CCNI2: variants seen among roughly 807,000 people sequenced by gnomAD.
The protein encoded by CCNI2 is cyclin-I2.
CCNI2 carries 32 observed loss-of-function variants against 33.2 expected under a neutral mutation model. The ratio of observed to expected loss-of-function variants is 0.96; its 90% confidence interval spans 0.73 to 1.30. The LOEUF (loss-of-function observed/expected upper bound fraction) is 1.30, where lower values mean the gene tolerates loss of function less well. Among genes scored for constraint, CCNI2 ranks in the 50% most tolerant of loss-of-function variants. The pLI, the probability that CCNI2 is intolerant of heterozygous loss-of-function variation, is 0.00. For missense variants in CCNI2, 452 were observed against 486.2 expected, an observed-to-expected ratio of 0.93 and a Z score of 0.66; for synonymous variants, 231 against 219.9, an observed-to-expected ratio of 1.05 and a Z score of -0.45.
In CCNI2 at chr5:132,747,600, G is replaced by A. The variant is rs1754644964; in HGVS notation, c.105G>A (p.Leu35=). 6.7e-7 allele frequency: 1 copy of A among 1,501,398 alleles called. No individual in the cohort carries two copies. The highest frequency in any genetic ancestry group is 8.8e-7 in the Non-Finnish European group (1 of 1,131,588). 93.0% of individuals were successfully genotyped at this position (1,501,398 alleles called of 1,614,324 possible). ...GCGCCGGTCTGGAGGAAACAGCCCT[G>A]GGCGTTCCTCTCCCGCCGTCTCCGG... ...RPGAGLEETA[L]GVPLPPSPGE... is the part of the protein sequence containing the mutation. The change falls in exon 1 of 6, where the codon CTG becomes CTA. Residue 35 remains leucine, a synonymous_variant. Coordinates refer to ENST00000378731, the MANE Select transcript of CCNI2 (RefSeq NM_001039780.4). This position sits in a 1 kb window ranked among gnomAD's most constrained non-coding sequence, Gnocchi z 4.1.
downstream of CCNI2, chr5:132,754,657 T>C (rs548482874): frequency 3.3e-6 from 2 of 604,784 alleles, no homozygotes; most frequent in East Asian, 5.6e-5. Context: ...CACTCGTGGA[T>C]TTTTAAAAAT....
At chr5:132,751,527 T>C (rs1185496457) in intron 4 of CCNI2, 3 of 200,794 alleles carry the variant, frequency 1.5e-5, no homozygotes, top group Non-Finnish European at 3.0e-5. Context: ...TGTGGAAATC[T>C]CATGGGGTTT....
intron 3 of CCNI2, 94 bp from the exon 4 acceptor site, chr5:132,750,763 A>G: frequency 1.5e-6 from 2 of 1,319,532 alleles, no homozygotes; most frequent in African/African-American, 1.5e-5. Flanking sequence ...AGACAACTCC[A>G]CTAAGGTCAT....
rs890476605 is a variant in CCNI2 at position 132,747,849 on chromosome 5, C to G, written c.354C>G (p.Asp118Glu). The change falls in exon 1 of 6, where the codon GAC (aspartate) becomes GAG (glutamate). Residue 118 changes from aspartate (D) to glutamate (E), a missense_variant. Transcript: ENST00000378731. This position sits in a 1 kb window ranked among gnomAD's most constrained non-coding sequence, Gnocchi z 4.1. Reference protein sequence around the residue: ...RKPRNLEGDLDERRLLCHLQL... With the variant: ...RKPRNLEGDLEERRLLCHLQL... Reference sequence around the variant, plus strand: ...CGCGCAACCTGGAAGGCGACCTGGACGAGCGCCGGCTGCTCTGCCACTTGC... The same window carrying G: ...CGCGCAACCTGGAAGGCGACCTGGAGGAGCGCCGGCTGCTCTGCCACTTGC... The G allele has an allele frequency of 6.8e-7, 1 of 1,472,586 alleles. No homozygotes were observed. The highest frequency in any genetic ancestry group is 2.9e-5 in the East Asian group (1 of 34,514). The allele number at this position is 1,472,586 out of a possible 1,614,324, so 91.2% of individuals were successfully genotyped here. A position where few individuals can be genotyped will look rare whatever the true frequency, so the allele number is the denominator to read the frequency against.
chr5:132,751,961 T>C lies in CCNI2; in HGVS notation c.775-5T>C, dbSNP rs768926275. The C allele has an allele frequency of 6.2e-7, 1 of 1,605,764 alleles. No individual in the cohort carries two copies. Among genetic ancestry groups the C allele is most frequent in the Admixed American group, 1.7e-5 (1 of 59,140 alleles). On this transcript the variant is annotated splice_polypyrimidine_tract_variant and splice_region_variant and intron_variant, in intron 4 of 5. Transcript: ENST00000378731. ...TGTTCTAACATTAAAAACCATGGTCTCCAGTTCCATGCCCTGGTGGTCCTG... is the reference window on the plus strand; with the variant it reads ...TGTTCTAACATTAAAAACCATGGTCCCCAGTTCCATGCCCTGGTGGTCCTG...
intron 4 of CCNI2, chr5:132,751,651 T>TG: frequency 4.7e-6 from 2 of 422,404 alleles, no homozygotes; most frequent in Non-Finnish European, 8.4e-6. Flanking sequence ...ACAAGTAACT[T>TG]TTCTGCTACC....
At chr5:132,748,047 C>A in intron 1 of CCNI2, 123 bp downstream of exon 1, 1 of 1,074,100 alleles carries the variant, frequency 9.3e-7, no homozygotes, top group Non-Finnish European at 1.3e-6. Flanking sequence ...TGTGGCCCCT[C>A]ACGAGAGGCA....
chr5:132,755,113 C>T (rs912981248), downstream of CCNI2, among the ~76,000 whole-genome samples: 1 of 152,136 alleles, frequency 6.6e-6, no homozygotes, highest in Non-Finnish European at 1.5e-5. Flanking sequence ...ACTTTGCCTC[C>T]CTGCTGCCTG....
chr5:132,752,583 G>A (rs552016369), intron 5 of CCNI2, among the ~76,000 whole-genome samples: 1 of 152,246 alleles, frequency 6.6e-6, no homozygotes, highest in South Asian at 2.1e-4. Flanking sequence ...TGTGGTACCA[G>A]GTACAGGGGT....
At chr5:132,755,183 G>C (rs1755218601), downstream of CCNI2, among the ~76,000 whole-genome samples, 1 of 152,100 alleles carries the variant, frequency 6.6e-6, no homozygotes, top group African/African-American at 2.4e-5. Context: ...CTCCCTGCAG[G>C]GGTCCCCATT....
chr5:132,748,298 A>G, intron 1 of CCNI2, 49 bp from the exon 2 acceptor site: 2 of 1,602,150 alleles, frequency 1.2e-6, no homozygotes, highest in Non-Finnish European at 1.7e-6. Flanking sequence ...GGGGACCAGG[A>G]GTGGCCGCTA....
Position 132,749,425 on chromosome 5 carries a change from A to G in CCNI2, c.633+3A>G, listed in dbSNP as rs1415743389. The G allele has an allele frequency of 6.2e-7, 1 of 1,613,418 alleles. No individual in the cohort carries two copies. The highest frequency in any genetic ancestry group is 1.3e-5 in the African/African-American group (1 of 74,918). On this transcript the variant is annotated splice_donor_region_variant and intron_variant, in intron 3 of 5. Coordinates refer to ENST00000378731, the MANE Select transcript of CCNI2 (RefSeq NM_001039780.4). ...CAAAAGTTAATGAAGAAGAGGAGGTATGCATCCTTGGAAGTCCACACTGGG... is the reference window on the plus strand; with the variant it reads ...CAAAAGTTAATGAAGAAGAGGAGGTGTGCATCCTTGGAAGTCCACACTGGG...
intron 3 of CCNI2, 66 bp downstream of exon 3, chr5:132,749,488 CCA>C: frequency 2.3e-6 from 3 of 1,325,674 alleles, no homozygotes; most frequent in Non-Finnish European, 3.3e-6. Flanking sequence ...TTGGAGGACT[CCA>C]GTTTCCTGAT....
chr5:132,749,812 T>C (rs894875019), intron 3 of CCNI2, among the ~76,000 whole-genome samples: 1 of 152,178 alleles, frequency 6.6e-6, no homozygotes, highest in Non-Finnish European at 1.5e-5. Context: ...GCTTGAGACT[T>C]GAGGACTTGG....
chr5:132,755,752 T>C (rs1277137023), downstream of CCNI2, among the ~76,000 whole-genome samples: 2 of 152,212 alleles, frequency 1.3e-5, no homozygotes, highest in Non-Finnish European at 2.9e-5. Flanking sequence ...TAAAGATTCA[T>C]GGACCACAGG....
chr5:132,751,058 T>C (rs1015786233), intron 4 of CCNI2, 61 bp downstream of exon 4: 3 of 1,585,624 alleles, frequency 1.9e-6, no homozygotes, highest in Middle Eastern at 1.7e-4. Context: ...GGAACAGCTG[T>C]TTACAACATG....
rs1281737432 is a variant in CCNI2 at position 132,748,468 on chromosome 5, C to T, written c.551C>T (p.Ser184Leu). 2 of 1,614,150 alleles carry T rather than the reference C, an allele frequency of 1.2e-6. No individual in the cohort carries two copies. The highest frequency in any genetic ancestry group is 1.7e-6 in the Non-Finnish European group (2 of 1,180,002). The change falls in exon 2 of 6, where the codon TCA becomes TTA. Residue 184 changes from serine to leucine, a missense_variant. Physicochemically the swap from Ser to Leu is moderately radical, Grantham distance 145 (BLOSUM62 -2). Coordinates refer to ENST00000378731, the MANE Select transcript of CCNI2 (RefSeq NM_001039780.4). ...ACCATCTTTGGCCGCCTCCTGATTT[C>T]AGTGAAGGTAGGGAGGCCTCTGAGG... is the stretch of plus-strand genomic sequence containing the variant. The part of the protein sequence containing the change: ...ALTIFGRLLI[S>L]VKVKEKYLHC...
rs1480378413 is a variant in CCNI2, at chr5:132,747,858, G to T, written c.363G>T (p.Arg121=). 9 of 1,469,340 alleles carry T rather than the reference G, an allele frequency of 6.1e-6. No homozygotes were observed. Among genetic ancestry groups the T allele is most frequent in the African/African-American group, 1.5e-5 (1 of 68,082 alleles). 91.0% of individuals were successfully genotyped at this position (1,469,340 alleles called of 1,614,324 possible). A position where few individuals can be genotyped will look rare whatever the true frequency, so the allele number is the denominator to read the frequency against. ...RNLEGDLDER[R]LLCHLQLAQD... ...TGGAAGGCGACCTGGACGAGCGCCG[G>T]CTGCTCTGCCACTTGCAGCTGGCCC... The change falls in exon 1 of 6, where the codon CGG becomes CGT. Residue 121 remains arginine (R), a synonymous_variant. Coordinates refer to ENST00000378731, the MANE Select transcript of CCNI2 (RefSeq NM_001039780.4). The surrounding 1 kb of genome is among the most constrained non-coding windows in gnomAD (Gnocchi z 4.1).
Position 132,754,119 on chromosome 5 carries a change from T to C in CCNI2, c.*1149T>C. ...CATCTGTATTTTTTCTTGACACACT[T>C]TTGCTTGTTGGTGCTTTCGTTAAAA... On this transcript the variant is annotated 3_prime_UTR_variant, in exon 6 of 6. Transcript: ENST00000378731. 1 of 362,768 alleles carries C rather than the reference T, an allele frequency of 2.8e-6. No individual in the cohort carries two copies. Among genetic ancestry groups the C allele is most frequent in the Non-Finnish European group, 5.1e-6 (1 of 196,256 alleles). 22.5% of individuals were successfully genotyped at this position (362,768 alleles called of 1,614,324 possible). A position where few individuals can be genotyped will look rare whatever the true frequency, so the allele number is the denominator to read the frequency against.
Sources: allele counts gnomAD v4.1 joint callset (sites outside exome capture counted in the v4.1 genomes callset), GRCh38; gene constraint gnomAD v4.1.1; non-coding constraint Gnocchi (gnomAD v3.1); transcripts MANE v1.5; gene names NCBI Gene and HGNC (gene_info 2026-07-23, HGNC 2026-07-21).